RPSA2: variants seen among roughly 807,000 people sequenced by gnomAD.
RPSA2 encodes the protein ribosomal protein SA 2, also known as small ribosomal subunit protein uS2B.
chr19:23,789,884 T>C, the RPSA2 span, among the ~76,000 whole-genome samples: 21 of 152,008 alleles, frequency 1.4e-4, no homozygotes, highest in African/African-American at 4.8e-4. Flanking sequence ...CACTATGTTG[T>C]CCAGGCTGGT....
the RPSA2 span, among the ~76,000 whole-genome samples, chr19:23,847,074 T>C: frequency 6.6e-6 from 1 of 152,158 alleles, no homozygotes; most frequent in Non-Finnish European, 1.5e-5. Context: ...CTTATTTTTG[T>C]CTCAGTAAAT....
chr19:23,812,020 G>A, the RPSA2 span, among the ~76,000 whole-genome samples: 2 of 151,900 alleles, frequency 1.3e-5, no homozygotes, highest in Admixed American at 6.6e-5. Context: ...CCTGCCTTCC[G>A]GGAATGCACA....
chr19:23,863,693 A>C, the RPSA2 span, among the ~76,000 whole-genome samples: 1 of 152,194 alleles, frequency 6.6e-6, no homozygotes, highest in Admixed American at 6.5e-5. Context: ...GACAGCCCCT[A>C]GCTACTACAA....
chr19:23,833,632 A>G, the RPSA2 span, among the ~76,000 whole-genome samples: 1 of 152,134 alleles, frequency 6.6e-6, no homozygotes, highest in Non-Finnish European at 1.5e-5. Context: ...TTTATACTTG[A>G]GAACAAATGT....
the RPSA2 span, among the ~76,000 whole-genome samples, chr19:23,770,427 C>T: frequency 2.6e-5 from 4 of 152,274 alleles, no homozygotes; most frequent in African/African-American, 9.6e-5. Context: ...GACATGTCTC[C>T]TTTCCATCAC....
the RPSA2 span, among the ~76,000 whole-genome samples, chr19:23,861,263 C>T: frequency 6.6e-6 from 1 of 152,162 alleles, no homozygotes; most frequent in Non-Finnish European, 1.5e-5. Flanking sequence ...AATTAAATTT[C>T]CCAAACACTT....
chr19:23,802,541 A>G, the RPSA2 span, among the ~76,000 whole-genome samples: 1 of 152,210 alleles, frequency 6.6e-6, no homozygotes, highest in Non-Finnish European at 1.5e-5. Flanking sequence ...AAGAGTGGTT[A>G]ATTTTGCTTC....
At chr19:23,808,641 C>G in the RPSA2 span, 1 of 421,720 alleles carries the variant, frequency 2.4e-6, no homozygotes, top group Non-Finnish European at 4.7e-6. Flanking sequence ...CTATTATATC[C>G]TCTTTACTGA....
chr19:23,863,054 A>G, the RPSA2 span, among the ~76,000 whole-genome samples: 1 of 152,146 alleles, frequency 6.6e-6, no homozygotes, highest in Non-Finnish European at 1.5e-5. Flanking sequence ...CTAGTGCTCA[A>G]TAACTGTTAG....
At chr19:23,853,634 C>T in the RPSA2 span, among the ~76,000 whole-genome samples, 1 of 152,242 alleles carries the variant, frequency 6.6e-6, no homozygotes, top group Non-Finnish European at 1.5e-5. Flanking sequence ...TGGGCTGGTA[C>T]CGAGTCTGGG....
the RPSA2 span, among the ~76,000 whole-genome samples, chr19:23,765,657 A>G: frequency 5.9e-5 from 9 of 152,202 alleles, no homozygotes; most frequent in Admixed American, 5.2e-4. Context: ...GGATCAGGAA[A>G]AATAACTTAT....
the RPSA2 span, among the ~76,000 whole-genome samples, chr19:23,828,963 A>ACACG: frequency 9.2e-5 from 14 of 152,142 alleles, no homozygotes; most frequent in Non-Finnish European, 1.6e-4. Context: ...ACACACACAC[A>ACACG]CACACAAATT....
chr19:23,841,733 T>C, the RPSA2 span, among the ~76,000 whole-genome samples: 2 of 152,072 alleles, frequency 1.3e-5, no homozygotes, highest in African/African-American at 4.8e-5. Context: ...GCTTACTCTC[T>C]CTCCTCCTCC....
chr19:23,851,259 T>C, the RPSA2 span, among the ~76,000 whole-genome samples: 1 of 152,274 alleles, frequency 6.6e-6, no homozygotes, highest in African/African-American at 2.4e-5. Context: ...TTTGGAAGTA[T>C]AAAAACTTGG....
chr19:23,823,222 A>G, the RPSA2 span, among the ~76,000 whole-genome samples: 1 of 152,284 alleles, frequency 6.6e-6, no homozygotes, highest in East Asian at 1.9e-4. Flanking sequence ...ATACATGCTA[A>G]TCGGGTGGGT....
chr19:23,848,559 T>A, the RPSA2 span, among the ~76,000 whole-genome samples: 1 of 152,254 alleles, frequency 6.6e-6, no homozygotes, highest in Non-Finnish European at 1.5e-5. Flanking sequence ...TTTGTTTCTT[T>A]AATTTAGTTA....
the RPSA2 span, among the ~76,000 whole-genome samples, chr19:23,847,276 T>C: frequency 1.3e-5 from 2 of 152,112 alleles, no homozygotes; most frequent in Non-Finnish European, 2.9e-5. Context: ...AATTTATTTA[T>C]TTATTTTTAT....
the RPSA2 span, among the ~76,000 whole-genome samples, chr19:23,776,058 A>G: frequency 6.6e-6 from 1 of 152,192 alleles, no homozygotes; most frequent in Non-Finnish European, 1.5e-5. Context: ...CCTTGGTGCT[A>G]CTTGAAAAAG....
the RPSA2 span, chr19:23,827,081 C>G: frequency 1.8e-5 from 13 of 742,156 alleles, 1 homozygote; most frequent in South Asian, 7.4e-5. Flanking sequence ...AACAATGCTG[C>G]AGCTTTTCCG....
Sources: gnomAD v4.1 joint callset for allele counts (sites outside exome capture counted in the v4.1 genomes callset) on GRCh38, gnomAD v4.1.1 for gene constraint, MANE v1.5 for transcripts, NCBI Gene and HGNC (gene_info 2026-07-23, HGNC 2026-07-21) for gene names.